TRHDE: variants seen among roughly 807,000 people sequenced by gnomAD.
TRHDE encodes thyrotropin releasing hormone degrading enzyme.
TRHDE carries 72 observed loss-of-function variants against 125.7 expected under a neutral mutation model. The observed-to-expected ratio is 0.57, with a 90% CI of 0.47 to 0.70. The LOEUF (loss-of-function observed/expected upper bound fraction) is 0.70. Ranked by LOEUF, TRHDE falls within the 30% of genes least tolerant of loss-of-function variation. The pLI, the probability that TRHDE is intolerant of heterozygous loss-of-function variation, is 0.00. For missense variants in TRHDE, 1,110 were observed against 1,327.1 expected (o/e 0.84, Z 2.54); for synonymous variants, 509 against 509.1 (o/e 1.00, Z 0.00).
chr12:72,153,333 T>C (rs562507675), intron 2 of TRHDE, among the ~76,000 whole-genome samples: 40 of 152,264 alleles, frequency 2.6e-4, no homozygotes, highest in African/African-American at 9.4e-4. Flanking sequence ...TTTGCTGATC[T>C]TTTCAAAAAA....
intron 2 of TRHDE, among the ~76,000 whole-genome samples, chr12:72,130,228 G>T (rs955240896): frequency 6.6e-6 from 1 of 152,132 alleles, no homozygotes; most frequent in African/African-American, 2.4e-5. Flanking sequence ...GCTTGAACCC[G>T]GGAGGCGGAG....
intron 3 of TRHDE, among the ~76,000 whole-genome samples, chr12:72,411,909 A>G (rs572908124): frequency 6.6e-6 from 1 of 152,252 alleles, no homozygotes; most frequent in Admixed American, 6.5e-5. Context: ...ATAATACTAG[A>G]CCATTTGGAT....
chr12:72,308,398 GT>G, intron 2 of TRHDE, among the ~76,000 whole-genome samples: 1 of 152,212 alleles, frequency 6.6e-6, no homozygotes, highest in South Asian at 2.1e-4. Context: ...GGACTTTGAA[GT>G]TTGACAGATT....
upstream of TRHDE, chr12:72,271,904 C>T (rs1194899367): frequency 8.8e-6 from 4 of 456,498 alleles, no homozygotes; most frequent in Non-Finnish European, 1.8e-5. Context: ...GAGGGAGTCT[C>T]GCTGTCGGGT....
intron 15 of TRHDE, among the ~76,000 whole-genome samples, chr12:72,641,713 CA>C (rs997754212): frequency 2.0e-5 from 3 of 152,152 alleles, no homozygotes; most frequent in Non-Finnish European, 4.4e-5. Flanking sequence ...ACATTCACAG[CA>C]AAATCTTTGG....
At chr12:72,648,932 A>T (rs75928893) in intron 15 of TRHDE, among the ~76,000 whole-genome samples, 4,704 of 152,226 alleles carry the variant, frequency 0.031, 229 homozygotes, top group African/African-American at 0.11. Context: ...TCTGATGTTC[A>T]TGGATTGGAA....
chr12:72,155,466 C>G (rs1876481822), intron 2 of TRHDE, among the ~76,000 whole-genome samples: 1 of 152,162 alleles, frequency 6.6e-6, no homozygotes, highest in South Asian at 2.1e-4. Flanking sequence ...AGGAGAGGCG[C>G]TCTGATTTTT....
chr12:72,457,769 AT>A (rs1875930331), intron 3 of TRHDE, among the ~76,000 whole-genome samples: 1 of 152,218 alleles, frequency 6.6e-6, no homozygotes, highest in South Asian at 2.1e-4. Flanking sequence ...CCAAGCCTAC[AT>A]AAATAATTTC....
intron 2 of TRHDE, among the ~76,000 whole-genome samples, chr12:72,367,647 C>G (rs956543010): frequency 6.6e-6 from 1 of 152,008 alleles, no homozygotes; most frequent in Admixed American, 6.6e-5. Context: ...CTGCTTTTTC[C>G]CTGGCTTGTT....
intron 12 of TRHDE, among the ~76,000 whole-genome samples, chr12:72,611,551 A>G (rs762047506): frequency 3.5e-4 from 54 of 152,184 alleles, no homozygotes; most frequent in Non-Finnish European, 2.5e-4. Context: ...GGCCATAAAA[A>G]CTTTCTCTTC....
At chr12:72,514,370 G>C (rs895833863) in intron 6 of TRHDE, among the ~76,000 whole-genome samples, 6 of 151,960 alleles carry the variant, frequency 3.9e-5, no homozygotes, top group Non-Finnish European at 8.8e-5. Context: ...GAAATAAAAA[G>C]AGACATTATA....
At chr12:72,383,854 G>A (rs533238154) in intron 3 of TRHDE, among the ~76,000 whole-genome samples, 4 of 151,854 alleles carry the variant, frequency 2.6e-5, no homozygotes, top group South Asian at 2.1e-4. Flanking sequence ...CTTGGGATTC[G>A]GCTGAAATGG....
intron 3 of TRHDE, among the ~76,000 whole-genome samples, chr12:72,403,908 A>G (rs1437279477): frequency 6.6e-6 from 1 of 152,148 alleles, no homozygotes; most frequent in Non-Finnish European, 1.5e-5. Context: ...TTCAGCAGGC[A>G]TTTCTGATTT....
At chr12:72,400,674 G>A (rs1445876555) in intron 3 of TRHDE, among the ~76,000 whole-genome samples, 2 of 152,134 alleles carry the variant, frequency 1.3e-5, no homozygotes, top group Admixed American at 1.3e-4. Context: ...AACCATGTTA[G>A]AACTGAATTA....
At chr12:72,444,845 C>A (rs1875195279) in intron 3 of TRHDE, among the ~76,000 whole-genome samples, 1 of 151,816 alleles carries the variant, frequency 6.6e-6, no homozygotes, top group Admixed American at 6.6e-5. Flanking sequence ...TCTCCCTGGT[C>A]TTCTTCTGTG....
At chr12:72,480,628 T>C (rs1255592522) in intron 5 of TRHDE, among the ~76,000 whole-genome samples, 1 of 152,156 alleles carries the variant, frequency 6.6e-6, no homozygotes, top group African/African-American at 2.4e-5. Context: ...CCAGTAACTT[T>C]ACAGCATTAG....
At chr12:72,535,363 C>CT (rs1180407213) in intron 6 of TRHDE, among the ~76,000 whole-genome samples, 6 of 152,042 alleles carry the variant, frequency 3.9e-5, no homozygotes, top group African/African-American at 1.4e-4. Flanking sequence ...AGGATGGATT[C>CT]CTGAGGGTGA....
intron 6 of TRHDE, among the ~76,000 whole-genome samples, chr12:72,530,229 C>T (rs190064674): frequency 6.6e-6 from 1 of 152,052 alleles, no homozygotes; most frequent in Non-Finnish European, 1.5e-5. Context: ...TCTCTCTTCT[C>T]TTTTTCTTTT....
chr12:72,237,388 C>A (rs1377658609), intron 2 of TRHDE, among the ~76,000 whole-genome samples: 1 of 152,154 alleles, frequency 6.6e-6, no homozygotes, highest in East Asian at 1.9e-4. Flanking sequence ...ATCAGAGACT[C>A]AATGTATAGA....
Sources: gnomAD v4.1 joint callset for allele counts (sites outside exome capture counted in the v4.1 genomes callset) on GRCh38, gnomAD v4.1.1 for gene constraint, MANE v1.5 for transcripts, NCBI Gene and HGNC (gene_info 2026-07-23, HGNC 2026-07-21) for gene names.